The following LIN7A variants were observed in gnomAD, a reference collection of about 807,000 sequenced individuals.
LIN7A encodes protein lin-7 homolog A.
Under a neutral mutation model 29.8 loss-of-function variants are expected in LIN7A, and 25 were observed. The ratio of observed to expected loss-of-function variants is 0.84; its 90% CI spans 0.61 to 1.17. The LOEUF is 1.17. Ranked by LOEUF, LIN7A falls within the 50% of genes most tolerant of loss-of-function variation. The pLI is 0.00. For synonymous variants in LIN7A, 118 were observed against 107.5 expected (o/e 1.10, Z -0.60); for missense variants, 239 against 287.0 (o/e 0.83, Z 1.21).
chr12:80,838,888 C>T (rs1411974306), intron 4 of LIN7A, among the ~76,000 whole-genome samples: 1 of 152,136 alleles, frequency 6.6e-6, no homozygotes, highest in East Asian at 1.9e-4. Context: ...TGGACCAGGG[C>T]TGTTCAGTTA....
At chr12:80,798,568 A>G (rs1870566845) in intron 5 of LIN7A, among the ~76,000 whole-genome samples, 1 of 152,158 alleles carries the variant, frequency 6.6e-6, no homozygotes, top group South Asian at 2.1e-4. Context: ...ACACATAAGC[A>G]TTAACATTTT....
chr12:80,813,744 A>G (rs1329902769), intron 4 of LIN7A, among the ~76,000 whole-genome samples: 2 of 152,200 alleles, frequency 1.3e-5, no homozygotes, highest in Non-Finnish European at 2.9e-5. Context: ...TAGACTTTAT[A>G]GGACCCTACA....
At chr12:80,803,186 G>A (rs1226613054) in intron 5 of LIN7A, among the ~76,000 whole-genome samples, 1 of 152,090 alleles carries the variant, frequency 6.6e-6, no homozygotes, top group Non-Finnish European at 1.5e-5. Context: ...ATTTTGGGAA[G>A]GTATCCAATA....
intron 1 of LIN7A, among the ~76,000 whole-genome samples, chr12:80,925,375 A>G (rs1877527888): frequency 6.6e-6 from 1 of 152,210 alleles, no homozygotes; most frequent in African/African-American, 2.4e-5. Flanking sequence ...TTCTGGAGAT[A>G]CCAAAATAAA....
At chr12:80,875,643 A>C (rs1216101599) in intron 2 of LIN7A, among the ~76,000 whole-genome samples, 1 of 152,224 alleles carries the variant, frequency 6.6e-6, no homozygotes, top group Non-Finnish European at 1.5e-5. Flanking sequence ...TGATAATACA[A>C]GATTTATGAA....
intron 2 of LIN7A, among the ~76,000 whole-genome samples, chr12:80,882,354 G>A (rs12426005): frequency 1.6e-5 from 2 of 122,338 alleles, no homozygotes; most frequent in South Asian, 2.8e-4. Context: ...GCGGGATCTC[G>A]GCTCACTGCA....
At chr12:80,811,417 G>GTA in intron 5 of LIN7A, 48 bp downstream of exon 5, 2 of 656,560 alleles carry the variant, frequency 3.0e-6, no homozygotes, top group Admixed American at 2.5e-5. Flanking sequence ...ATATGTGTGT[G>GTA]TGTATATATA....
chr12:80,899,765 CTTTTCTTTTTTTT>C lies in LIN7A; in HGVS notation c.83-10409_83-10397del, dbSNP rs1476508196. 3.6e-5 allele frequency among the ~76,000 whole-genome samples: 4 copies of C among 110,044 alleles called. No individual in the cohort carries two copies. In the East Asian group the frequency reaches 1.1e-3, roughly 29 times the overall value. 72.2% of individuals were successfully genotyped at this position (110,044 alleles called of 152,430 possible). On this transcript the variant is annotated intron_variant, in intron 1 of 5. Coordinates refer to ENST00000552864, the MANE Select transcript of LIN7A (RefSeq NM_004664.4). ...CATTTCCTCTAGGTTTTCTTTTTTT[CTTTTCTTTTTTTT>C]TTTTTTTTGAGATCGAGTCTCGCTC...
intron 1 of LIN7A, among the ~76,000 whole-genome samples, chr12:80,936,227 A>G: frequency 6.6e-6 from 1 of 152,220 alleles, no homozygotes; most frequent in East Asian, 1.9e-4. Flanking sequence ...AACTACTGTT[A>G]TTAATTTTGC....
chr12:80,823,392 T>G (rs1392929625), intron 4 of LIN7A, among the ~76,000 whole-genome samples: 1 of 152,174 alleles, frequency 6.6e-6, no homozygotes, highest in Non-Finnish European at 1.5e-5. Context: ...ACCACTGCAG[T>G]CCCTGGTGCC....
At chr12:80,845,355 AAAGT>A (rs1487723423) in intron 4 of LIN7A, among the ~76,000 whole-genome samples, 1 of 152,206 alleles carries the variant, frequency 6.6e-6, no homozygotes, top group Non-Finnish European at 1.5e-5. Context: ...CACACATTAC[AAAGT>A]AAGGAGCTAT....
intron 4 of LIN7A, among the ~76,000 whole-genome samples, chr12:80,824,657 T>G (rs562516929): frequency 2.0e-5 from 3 of 152,212 alleles, no homozygotes; most frequent in Non-Finnish European, 4.4e-5. Context: ...ATCAAAAAGA[T>G]AATCCACCAT....
rs542922005 is a variant in LIN7A, at chr12:80,892,823, G to A, written c.83-3454C>T. Among the ~76,000 whole-genome samples, 6 of 152,318 alleles carry A rather than the reference G, an allele frequency of 3.9e-5. No individual in the cohort carries two copies. The South Asian group carries it at 1.2e-3, about 32-fold the overall frequency. ...GCGATGCTAAAGTGCAGCCAAGGTT[G>A]AGACCACTGCTCTAGTTTGCATGGG... On this transcript the variant is annotated intron_variant, in intron 1 of 5. Transcript: ENST00000552864.
At chr12:80,802,197 C>A (rs1275970148) in intron 5 of LIN7A, among the ~76,000 whole-genome samples, 1 of 152,246 alleles carries the variant, frequency 6.6e-6, no homozygotes, top group Non-Finnish European at 1.5e-5. Flanking sequence ...CTGGCCGAGT[C>A]TAACTTTTTA....
chr12:80,833,009 C>T (rs185534197), intron 4 of LIN7A, among the ~76,000 whole-genome samples: 1 of 152,172 alleles, frequency 6.6e-6, no homozygotes, highest in East Asian at 1.9e-4. Context: ...AAAATATCAG[C>T]AATTTCAAGG....
chr12:80,921,603 A>G (rs1877312616), intron 1 of LIN7A, among the ~76,000 whole-genome samples: 1 of 151,578 alleles, frequency 6.6e-6, no homozygotes, highest in Admixed American at 6.6e-5. Context: ...TTAGAAGGCT[A>G]ATAATCCCAT....
intron 5 of LIN7A, among the ~76,000 whole-genome samples, chr12:80,808,663 G>A (rs925907819): frequency 2.0e-5 from 3 of 151,018 alleles, no homozygotes; most frequent in Admixed American, 2.0e-4. Context: ...CCGCCACCAC[G>A]CCCGGCTAAT....
chr12:80,868,644 T>C (rs7977901), intron 2 of LIN7A, among the ~76,000 whole-genome samples: 8,003 of 152,280 alleles, frequency 0.053, 298 homozygotes, highest in Non-Finnish European at 0.074. Context: ...AATCTTTTCT[T>C]CATAGCCATG....
chr12:80,930,077 A>G (rs897967799), intron 1 of LIN7A, among the ~76,000 whole-genome samples: 1 of 152,228 alleles, frequency 6.6e-6, no homozygotes, highest in Non-Finnish European at 1.5e-5. Flanking sequence ...AAAACAAAAG[A>G]TGTTATATTG....
Sources: allele counts gnomAD v4.1 joint callset (sites outside exome capture counted in the v4.1 genomes callset), GRCh38; gene constraint gnomAD v4.1.1; transcripts MANE v1.5; gene names NCBI Gene and HGNC (gene_info 2026-07-23, HGNC 2026-07-21).